EBP: variants seen among roughly 807,000 people sequenced by gnomAD.
EBP encodes 3-beta-hydroxysteroid-Delta(8),Delta(7)-isomerase.
A neutral mutation model predicts 14.1 loss-of-function variants in EBP; 1 was observed. That is an observed-to-expected ratio of 0.07 (90% CI 0.03 to 0.34). The LOEUF is 0.34. Among genes scored for constraint, EBP ranks in the 10% least tolerant of loss-of-function variants. EBP has a pLI of 0.99. For missense variants in EBP, 123 were observed against 184.6 expected (o/e 0.67, Z 1.93); for synonymous variants, 72 against 77.7 (o/e 0.93, Z 0.38).
intron 4 of EBP, among the ~76,000 whole-genome samples, 164 bp from the exon 5 acceptor site, chrX:48,528,070 C>G (rs1333143760): frequency 8.9e-6 from 1 of 112,079 alleles, no homozygotes; most frequent in Non-Finnish European, 1.9e-5. Flanking sequence ...TCTCTGGTGT[C>G]TGGAATCTCA....
At position 48,524,643 on chromosome X, in the gene EBP, G is replaced by A. The variant is rs781809878; in HGVS notation, c.301+571G>A. The A allele has an allele frequency of 7.3e-5, 8 of 109,263 alleles. No individual in the cohort carries two copies. In the South Asian group the frequency reaches 2.8e-3, roughly 39 times the overall value. The allele number at this position is 109,263 out of a possible 1,213,427, so 9.0% of individuals were successfully genotyped here. ...TTTGTCTCAAAAAAAAAATTATTATGTATTGTTATTATTATTCTTTTTGTT... is the reference window on the plus strand; with the variant it reads ...TTTGTCTCAAAAAAAAAATTATTATATATTGTTATTATTATTCTTTTTGTT... On this transcript the variant is annotated intron_variant, in intron 2 of 4. Coordinates refer to ENST00000495186, the MANE Select transcript of EBP (RefSeq NM_006579.3).
chrX:48,523,641 A>G, intron 1 of EBP, 58 bp from the exon 2 acceptor site: 1 of 707,119 alleles, frequency 1.4e-6, no homozygotes, highest in Non-Finnish European at 2.1e-6. Context: ...ATTTCTCATG[A>G]TAATAAACTA....
At chrX:48,526,623 T>G (rs1171971678) in intron 2 of EBP, among the ~76,000 whole-genome samples, 1 of 112,150 alleles carries the variant, frequency 8.9e-6, no homozygotes, top group African/African-American at 3.2e-5. Flanking sequence ...TGAGCCATCG[T>G]GCCCGGCGGT....
In EBP at chrX:48,523,785, C is replaced by T. The variant is rs782456649; in HGVS notation, c.14C>T (p.Ala5Val). 7 of 1,200,197 alleles carry T rather than the reference C, an allele frequency of 5.8e-6. No homozygotes were observed. The highest frequency in any genetic ancestry group is 5.5e-5 in the African/African-American group (3 of 54,999). Residue 5 changes from alanine (A) to valine (V), a missense_variant, in exon 2 of 5, where the codon GCG becomes GTG. Ala to Val is a moderately conservative substitution (Grantham distance 64). Coordinates refer to ENST00000495186, the MANE Select transcript of EBP (RefSeq NM_006579.3). ...GCCCACAAAGACATGACTACCAACGCGGGCCCCTTGCACCCATACTGGCCT... is the reference window on the plus strand; with the variant it reads ...GCCCACAAAGACATGACTACCAACGTGGGCCCCTTGCACCCATACTGGCCT... MTTN[A>V]GPLHPYWPQH...
rs782807455 is a variant in EBP at position 48,524,033 on chromosome X, G to A, written c.262G>A (p.Glu88Lys). Reference protein sequence around the residue: ...VIEGWFVLYYEDLLGDQAFLS... With the variant: ...VIEGWFVLYYKDLLGDQAFLS... ...CGAGGGCTGGTTCGTTCTCTACTACGAAGACCTGCTTGGAGACCAAGCCTT... is the reference window on the plus strand; with the variant it reads ...CGAGGGCTGGTTCGTTCTCTACTACAAAGACCTGCTTGGAGACCAAGCCTT... The change falls in exon 2 of 5, where the codon GAA becomes AAA. Residue 88 changes from glutamate (E) to lysine (K), a missense_variant. Transcript: ENST00000495186. 8 of 1,209,559 alleles carry A rather than the reference G, an allele frequency of 6.6e-6. No homozygotes were observed. Among genetic ancestry groups the A allele is most frequent in the Middle Eastern group, 2.3e-4 (1 of 4,372 alleles).
chrX:48,523,602 CTGTT>C (rs1244638167), intron 1 of EBP, 93 bp from the exon 2 acceptor site: 1 of 473,450 alleles, frequency 2.1e-6, no homozygotes, highest in African/African-American at 2.5e-5. Flanking sequence ...ACAATCCTGT[CTGTT>C]AACTGGTAAA....
chrX:48,528,149 A>T (rs2061784576), intron 4 of EBP, 85 bp from the exon 5 acceptor site: 1 of 788,937 alleles, frequency 1.3e-6, no homozygotes, highest in Non-Finnish European at 1.9e-6. Flanking sequence ...TTGAATGATG[A>T]CTTGGAAAGT....
intron 2 of EBP, among the ~76,000 whole-genome samples, chrX:48,524,276 T>C (rs1446877085): frequency 9.1e-6 from 1 of 109,986 alleles, no homozygotes; most frequent in Non-Finnish European, 1.9e-5. Flanking sequence ...GTGGATCACT[T>C]GAGGTCAGGA....
chrX:48,522,044 C>T (rs1404278340), intron 1 of EBP, 137 bp downstream of exon 1: 1 of 109,783 alleles, frequency 9.1e-6, no homozygotes, highest in Non-Finnish European at 1.9e-5. Context: ...AGACCCCCAG[C>T]TACCGCACGG....
chrX:48,528,256 C>T lies in EBP; in HGVS notation c.492C>T (p.Leu164=). Reference sequence around the variant, plus strand: ...CAGGCCAGATCTATGGGGATGTGCTCTACTTCCTGACAGAGCACCGCGACG... The same window carrying T: ...CAGGCCAGATCTATGGGGATGTGCTTTACTTCCTGACAGAGCACCGCGACG... The part of the protein sequence containing the change: ...VSVGQIYGDV[L]YFLTEHRDGF... The change falls in exon 5 of 5, where the codon CTC becomes CTT. Residue 164 remains leucine, a synonymous_variant. Transcript: ENST00000495186. The T allele has an allele frequency of 8.3e-7, 1 of 1,211,397 alleles. No homozygotes were observed. Among genetic ancestry groups the T allele is most frequent in the African/African-American group, 1.7e-5 (1 of 57,866 alleles).
chrX:48,524,156 T>C, intron 2 of EBP, 84 bp downstream of exon 2: 3 of 895,944 alleles, frequency 3.3e-6, no homozygotes, highest in Non-Finnish European at 4.7e-6. Flanking sequence ...CCACCTATTC[T>C]TCTTCCATTG....
At chrX:48,523,182 C>T (rs782707571) in intron 1 of EBP, among the ~76,000 whole-genome samples, 4 of 112,160 alleles carry the variant, frequency 3.6e-5, no homozygotes, top group Non-Finnish European at 7.5e-5. Context: ...AATTCCTGGC[C>T]TCAGGTGCTG....
chrX:48,524,004 T>C lies in EBP; in HGVS notation c.233T>C (p.Val78Ala). The C allele has an allele frequency of 8.3e-7, 1 of 1,211,385 alleles. No homozygotes were observed. The highest frequency in any genetic ancestry group is 1.8e-5 in the South Asian group (1 of 56,961). ...WFAVCGFIHL[V>A]IEGWFVLYYE... ...GCAGTGTGTGGGTTCATTCACCTGGTGATCGAGGGCTGGTTCGTTCTCTAC... is the reference window on the plus strand; with the variant it reads ...GCAGTGTGTGGGTTCATTCACCTGGCGATCGAGGGCTGGTTCGTTCTCTAC... Residue 78 changes from valine (V) to alanine (A), a missense_variant, in exon 2 of 5, where the codon GTG becomes GCG. Physicochemically the swap from Val to Ala is moderately conservative, Grantham distance 64 (BLOSUM62 0). Transcript: ENST00000495186.
At chrX:48,527,380 G>A (rs1178921804) in intron 4 of EBP, 95 bp downstream of exon 4, 7 of 1,175,428 alleles carry the variant, frequency 6.0e-6, no homozygotes, top group Admixed American at 4.4e-5. Flanking sequence ...ATCTCTCAAC[G>A]GTGCCCTTCC....
At position 48,526,996 on chromosome X, in the gene EBP, G is replaced by A; in HGVS notation, c.309G>A (p.Glu103=). ...DQAFLSQLWK[E]YAKGDSRYIL... ...CTCTCTTCTTTTCTTCAGGGAAAGA[G>A]TATGCCAAGGGAGACAGCCGATACA... The change falls in exon 3 of 5, where the codon GAG becomes GAA. Residue 103 remains glutamate, a synonymous_variant. Coordinates refer to ENST00000495186, the MANE Select transcript of EBP (RefSeq NM_006579.3). 4 of 1,211,758 alleles carry A rather than the reference G, an allele frequency of 3.3e-6. No homozygotes were observed. The South Asian group carries it at 5.3e-5, about 16-fold the overall frequency.
intron 2 of EBP, among the ~76,000 whole-genome samples, chrX:48,525,822 C>T (rs1169028907): frequency 2.7e-5 from 3 of 110,262 alleles, no homozygotes; most frequent in Non-Finnish European, 5.7e-5. Context: ...CAGAGTGGCT[C>T]ATGCCTGTAA....
chrX:48,527,496 CCTCCTT>C, intron 4 of EBP: 1 of 549,320 alleles, frequency 1.8e-6, no homozygotes, highest in Non-Finnish European at 2.9e-6. Flanking sequence ...TCTTCCTCCT[CCTCCTT>C]CTCCATCACA....
chrX:48,528,648 C>A lies in EBP; in HGVS notation c.*191C>A. 2.2e-6 allele frequency: 1 copy of A among 456,836 alleles called. No homozygotes were observed. The allele number at this position is 456,836 out of a possible 1,213,427, so 37.6% of individuals were successfully genotyped here. On this transcript the variant is annotated 3_prime_UTR_variant, in exon 5 of 5. Coordinates refer to ENST00000495186, the MANE Select transcript of EBP (RefSeq NM_006579.3). Reference sequence around the variant, plus strand: ...GCTGGGAGCCATTAGAACACAGATACAAGAGAAGCCAGGAGGTCTATGATG... The same window carrying A: ...GCTGGGAGCCATTAGAACACAGATAAAAGAGAAGCCAGGAGGTCTATGATG...
intron 1 of EBP, among the ~76,000 whole-genome samples, chrX:48,523,108 C>T (rs2061768188): frequency 8.9e-6 from 1 of 112,072 alleles, no homozygotes; most frequent in Admixed American, 9.5e-5. Context: ...CCTTTGTCAC[C>T]ACACCTGACT....
Sources: gnomAD v4.1 joint callset for allele counts (sites outside exome capture counted in the v4.1 genomes callset) on GRCh38, gnomAD v4.1.1 for gene constraint, MANE v1.5 for transcripts, NCBI Gene and HGNC (gene_info 2026-07-23, HGNC 2026-07-21) for gene names.